SEM1: variants seen among roughly 807,000 people sequenced by gnomAD.
The protein encoded by SEM1 is 26S proteasome complex subunit SEM1.
Under a neutral mutation model 12.7 loss-of-function variants are expected in SEM1, and 3 were observed. The ratio of observed to expected loss-of-function variants is 0.24; its 90% confidence interval spans 0.11 to 0.61. The LOEUF (loss-of-function observed/expected upper bound fraction) is 0.61, where lower values mean the gene tolerates loss of function less well. SEM1 is among the 20% of genes least tolerant of loss of function. The pLI, the probability that SEM1 is intolerant of heterozygous loss-of-function variation, is 0.88. For synonymous variants in SEM1, 30 were observed against 27.8 expected (o/e 1.08, Z -0.25); for missense variants, 59 against 81.3 (o/e 0.73, Z 1.06).
At chr7:96,539,831 T>C (rs1804894338) in intron 2 of SEM1, among the ~76,000 whole-genome samples, 1 of 151,688 alleles carries the variant, frequency 6.6e-6, no homozygotes, top group Admixed American at 6.6e-5. Context: ...AATGAATTCA[T>C]GGGCTTAATG....
chr7:96,619,220 GTCTGT>G (rs774984377), downstream of SEM1, among the ~76,000 whole-genome samples: 29 of 152,086 alleles, frequency 1.9e-4, no homozygotes, highest in Non-Finnish European at 3.7e-4. Flanking sequence ...TGTAGCAGTT[GTCTGT>G]TCTAATTTTT....
chr7:96,495,867 A>G (rs1803222605), intron 1 of SEM1, among the ~76,000 whole-genome samples: 1 of 152,118 alleles, frequency 6.6e-6, no homozygotes, highest in Non-Finnish European at 1.5e-5. Flanking sequence ...ATTCTGTATC[A>G]GAGACCACAC....
downstream of SEM1, among the ~76,000 whole-genome samples, chr7:96,619,135 T>G (rs1443717791): frequency 6.6e-6 from 1 of 152,268 alleles, no homozygotes; most frequent in Non-Finnish European, 1.5e-5. Flanking sequence ...ACAATTGTTG[T>G]GGTCCTTTGG....
At chr7:96,547,142 C>T (rs774544935) in intron 2 of SEM1, among the ~76,000 whole-genome samples, 11 of 152,232 alleles carry the variant, frequency 7.2e-5, no homozygotes, top group Non-Finnish European at 1.0e-4. Flanking sequence ...ACACCCCAAA[C>T]GACTGCAGCT....
intron 2 of SEM1, among the ~76,000 whole-genome samples, chr7:96,550,688 T>C (rs1805241377): frequency 1.3e-5 from 2 of 152,212 alleles, no homozygotes; most frequent in South Asian, 4.1e-4. Context: ...AGTCTTTTTA[T>C]TATGCTGTGC....
chr7:96,620,378 T>C (rs1054342267), downstream of SEM1, among the ~76,000 whole-genome samples: 8 of 152,182 alleles, frequency 5.3e-5, no homozygotes, highest in Non-Finnish European at 2.9e-5. Context: ...GCAGCAGCCA[T>C]GTCTGTAGAT....
intron 2 of SEM1, among the ~76,000 whole-genome samples, chr7:96,511,844 C>A (rs1803944226): frequency 6.6e-6 from 1 of 152,016 alleles, no homozygotes; most frequent in Non-Finnish European, 1.5e-5. Flanking sequence ...CATGTGGAAC[C>A]TACTGACCAT....
rs1789389340 is a variant in SEM1 at position 96,673,989 on chromosome 7, A to G, written c.171-130T>C. The G allele has an allele frequency of 9.6e-6, 6 of 627,322 alleles. No homozygotes were observed. In the South Asian group the frequency reaches 1.1e-4, roughly 11 times the overall value. The allele number at this position is 627,322 out of a possible 1,614,324, so 38.9% of individuals were successfully genotyped here. A position where few individuals can be genotyped will look rare whatever the true frequency, so the allele number is the denominator to read the frequency against. ...CCCCTTATGCCCCAGTCCCATCCCCATCTCTACCTCCCCTCTCCCTGACTC... is the reference window on the plus strand; with the variant it reads ...CCCCTTATGCCCCAGTCCCATCCCCGTCTCTACCTCCCCTCTCCCTGACTC... On this transcript the variant is annotated intron_variant, in intron 2 of 2. Coordinates refer to the SEM1 transcript ENST00000413065.
rs540237254 is a variant in SEM1 at position 96,557,152 on chromosome 7, C to T, written c.171-50454G>A. Among the ~76,000 whole-genome samples, 456 of 151,080 alleles carry T rather than the reference C, an allele frequency of 3.0e-3. 2 individuals carry two copies. The highest frequency in any genetic ancestry group is 0.011 in the African/African-American group (434 of 41,232). ...TTGGTTTGAACGTCCTCCCGTAGCT[C>T]AGAGTAATTTGATCGTCTGAAGCCT... On this transcript the variant is annotated intron_variant and NMD_transcript_variant, in intron 2 of 3. Coordinates refer to the SEM1 transcript ENST00000466986.
intron 2 of SEM1, among the ~76,000 whole-genome samples, chr7:96,536,959 T>C (rs930515010): frequency 1.3e-5 from 2 of 151,754 alleles, no homozygotes; most frequent in Non-Finnish European, 3.0e-5. Context: ...ACTAGAGACT[T>C]TCCTATTTAT....
chr7:96,686,157 G>A (rs1789755529), downstream of SEM1, among the ~76,000 whole-genome samples: 1 of 152,060 alleles, frequency 6.6e-6, no homozygotes, highest in Admixed American at 6.6e-5. Context: ...TTCACAGGGT[G>A]GGTCACTGTG....
intron 2 of SEM1, among the ~76,000 whole-genome samples, chr7:96,659,670 T>C (rs1788920087): frequency 6.6e-6 from 1 of 152,136 alleles, no homozygotes; most frequent in African/African-American, 2.4e-5. Context: ...AATTAAAGCA[T>C]ATTAAGGGTC....
At chr7:96,645,230 G>T (rs10215003) in intron 2 of SEM1, among the ~76,000 whole-genome samples, 1 of 152,038 alleles carries the variant, frequency 6.6e-6, no homozygotes, top group Non-Finnish European at 1.5e-5. Context: ...TAAACTGCCA[G>T]GCCATGTTAG....
chr7:96,653,905 A>G (rs992447665), intron 2 of SEM1: 18 of 152,178 alleles, frequency 1.2e-4, no homozygotes, highest in African/African-American at 4.3e-4. Flanking sequence ...GGGGCCGGGG[A>G]ATTATACTTA....
chr7:96,630,761 G>A (rs1291378923), intron 2 of SEM1, among the ~76,000 whole-genome samples: 2 of 152,072 alleles, frequency 1.3e-5, no homozygotes, highest in African/African-American at 4.8e-5. Flanking sequence ...AAGGCAGCAA[G>A]TCTCAGAGGC....
At chr7:96,568,368 A>C (rs890347130) in intron 2 of SEM1, among the ~76,000 whole-genome samples, 4 of 151,832 alleles carry the variant, frequency 2.6e-5, no homozygotes, top group African/African-American at 9.7e-5. Context: ...TGCCATTTAA[A>C]AACTTATGTT....
intron 2 of SEM1, among the ~76,000 whole-genome samples, chr7:96,581,152 G>A (rs924979302): frequency 1.3e-5 from 2 of 152,126 alleles, no homozygotes; most frequent in Non-Finnish European, 2.9e-5. Flanking sequence ...TTTGTATAAG[G>A]TGTAAGGAAG....
chr7:96,677,418 A>G (rs1789478885), intron 2 of SEM1, among the ~76,000 whole-genome samples: 1 of 152,202 alleles, frequency 6.6e-6, no homozygotes, highest in Non-Finnish European at 1.5e-5. Flanking sequence ...GTTCTTCTCT[A>G]GCAGTTTGTG....
At chr7:96,496,466 C>A (rs1803265981), upstream of SEM1, 1 of 539,968 alleles carries the variant, frequency 1.9e-6, no homozygotes, top group Non-Finnish European at 3.2e-6. Flanking sequence ...TATGTTTTCT[C>A]CTATTTATTT....
Sources: allele counts gnomAD v4.1 joint callset (sites outside exome capture counted in the v4.1 genomes callset), GRCh38; gene constraint gnomAD v4.1.1; transcripts MANE v1.5; gene names NCBI Gene and HGNC (gene_info 2026-07-23, HGNC 2026-07-21).